The following CREBRF variants were observed in gnomAD, a reference collection of about 807,000 sequenced individuals.
The protein encoded by CREBRF is CREB3 regulatory factor, also known as UPF0474 protein C5orf41.
Under a neutral mutation model 66.1 loss-of-function variants are expected in CREBRF, and 5 were observed. The ratio of observed to expected loss-of-function variants is 0.08; its 90% CI spans 0.04 to 0.16. CREBRF has a LOEUF of 0.16. Among genes scored for constraint, CREBRF ranks in the 10% least tolerant of loss-of-function variants. The pLI is 1.00. For missense variants in CREBRF, 531 were observed against 744.9 expected (o/e 0.71, Z 3.34); for synonymous variants, 229 against 264.4 (o/e 0.87, Z 1.30).
chr5:173,075,006 G>A (rs1367114670), intron 1 of CREBRF, among the ~76,000 whole-genome samples: 1 of 152,168 alleles, frequency 6.6e-6, no homozygotes, highest in Non-Finnish European at 1.5e-5. Flanking sequence ...AGGTGGTATG[G>A]CAAAAGGATC....
chr5:173,108,926 T>C, intron 5 of CREBRF, 108 bp downstream of exon 5: 1 of 922,388 alleles, frequency 1.1e-6, no homozygotes. Context: ...CCTAGCAAAC[T>C]GGAGATGGGG....
chr5:173,106,947 G>A (rs1447538624), intron 4 of CREBRF, among the ~76,000 whole-genome samples: 1 of 151,894 alleles, frequency 6.6e-6, no homozygotes. Flanking sequence ...ATGAGGTTTC[G>A]CCATGTGGGC....
At position 173,091,063 on chromosome 5, in the gene CREBRF, C is replaced by T. The variant is rs1561804420; in HGVS notation, c.884C>T (p.Thr295Ile). ...ACTCCCGCTTTGCCTTTTAAAGAAA[C>T]CCAGGAACTATTACTAAGTCCCCTG... is the stretch of plus-strand genomic sequence containing the variant. ...HATPALPFKETQELLLSPLPQ... is the reference protein window; with the variant it reads ...HATPALPFKEIQELLLSPLPQ... Residue 295 changes from threonine to isoleucine, a missense_variant, in exon 4 of 9, where the codon ACC becomes ATC. By Grantham distance (89) the Thr-to-Ile change is moderately conservative. Transcript: ENST00000296953. 2 of 1,614,046 alleles carry T rather than the reference C, an allele frequency of 1.2e-6. No individual in the cohort carries two copies. Among genetic ancestry groups the T allele is most frequent in the East Asian group, 4.5e-5 (2 of 44,900 alleles).
chr5:173,122,899 T>C (rs572616152), intron 7 of CREBRF, among the ~76,000 whole-genome samples, 181 bp from the exon 8 acceptor site: 3 of 151,346 alleles, frequency 2.0e-5, no homozygotes, highest in Non-Finnish European at 4.4e-5. Context: ...ATTTCCAATT[T>C]CATCCATGTC....
At chr5:173,089,031 T>G (rs1758248261) in intron 3 of CREBRF, among the ~76,000 whole-genome samples, 1 of 151,510 alleles carries the variant, frequency 6.6e-6, no homozygotes, top group Non-Finnish European at 1.5e-5. Flanking sequence ...ACAAAAAAAT[T>G]AGCTGGGCAT....
At chr5:173,063,882 C>T (rs912212715) in intron 1 of CREBRF, among the ~76,000 whole-genome samples, 5 of 150,598 alleles carry the variant, frequency 3.3e-5, no homozygotes, top group African/African-American at 7.3e-5. Flanking sequence ...CCACCATGCC[C>T]GGCTAATTTT....
intron 7 of CREBRF, among the ~76,000 whole-genome samples, chr5:173,121,814 G>C (rs1181041350): frequency 2.0e-5 from 3 of 152,194 alleles, no homozygotes; most frequent in Non-Finnish European, 2.9e-5. Context: ...TTACAGGTTA[G>C]TGGACATCGA....
chr5:173,108,869 C>G, intron 5 of CREBRF, 51 bp downstream of exon 5: 1 of 1,528,332 alleles, frequency 6.5e-7, no homozygotes, highest in Middle Eastern at 1.7e-4. Flanking sequence ...TCAAGTTGAG[C>G]TACTAATCCA....
intron 8 of CREBRF, among the ~76,000 whole-genome samples, chr5:173,132,090 T>C (rs1250094278): frequency 1.3e-5 from 2 of 150,484 alleles, no homozygotes; most frequent in Non-Finnish European, 1.5e-5. Flanking sequence ...TATTTCTTTT[T>C]TTTTTTTTTT....
intron 1 of CREBRF, among the ~76,000 whole-genome samples, chr5:173,078,563 CT>C (rs746897808): frequency 1.0e-3 from 145 of 142,478 alleles, no homozygotes; most frequent in East Asian, 1.4e-3. Flanking sequence ...TTTTCTTTTT[CT>C]TTTTTTTTTT....
Position 173,104,740 on chromosome 5 carries a change from A to AGTGT in CREBRF, c.1223-3871_1223-3868dup, listed in dbSNP as rs1554125525. 1.9e-4 allele frequency among the ~76,000 whole-genome samples: 28 copies of AGTGT among 146,244 alleles called. No individual in the cohort carries two copies. In the South Asian group the frequency reaches 3.3e-3, roughly 17 times the overall value. Reference sequence around the variant, plus strand: ...GAGAGAGAGAGAGAGAGAGAGAGAGAGTGTGTGTGTGTGTGTATTTTTGTG... The same window carrying AGTGT: ...GAGAGAGAGAGAGAGAGAGAGAGAGAGTGTGTGTGTGTGTGTGTGTATTTTTGTG... On this transcript the variant is annotated intron_variant, in intron 4 of 8. Transcript: ENST00000296953.
At chr5:173,058,747 AGT>A (rs1417792633) in intron 1 of CREBRF, among the ~76,000 whole-genome samples, 2 of 145,428 alleles carry the variant, frequency 1.4e-5, no homozygotes, top group Non-Finnish European at 3.0e-5. Context: ...GGCCTCCCAA[AGT>A]GCTGGGATTA....
chr5:173,133,954 A>G lies in CREBRF; in HGVS notation c.*209A>G, dbSNP rs1379252667. 2.8e-6 allele frequency: 1 copy of G among 360,168 alleles called. No homozygotes were observed. The highest frequency in any genetic ancestry group is 5.1e-5 in the South Asian group (1 of 19,544). 22.3% of individuals were successfully genotyped at this position (360,168 alleles called of 1,614,324 possible). A position where few individuals can be genotyped will look rare whatever the true frequency, so the allele number is the denominator to read the frequency against. The stretch of plus-strand genomic sequence containing the variant: ...AGCATAAACCATGATTAAAACTGCT[A>G]CTGGCATCAGAATTGAAAATCATAT... On this transcript the variant is annotated 3_prime_UTR_variant, in exon 9 of 9. Transcript: ENST00000296953.
Position 173,133,634 on chromosome 5 carries a change from A to G in CREBRF, c.1809A>G (p.Leu603=), listed in dbSNP as rs935439572. 1 of 1,596,028 alleles carries G rather than the reference A, an allele frequency of 6.3e-7. No homozygotes were observed. The highest frequency in any genetic ancestry group is 8.6e-7 in the Non-Finnish European group (1 of 1,164,348). ...GCCTTTTATTCTTCTCTTCAGGTCT[A>G]CCAGTTGCTGGGCAAACCTCAGAAT... ...LEILIKDTLG[L]PVAGQTSEFV... The change falls in exon 9 of 9, where the codon CTA becomes CTG. Residue 603 remains leucine, a synonymous_variant. Coordinates refer to ENST00000296953, the MANE Select transcript of CREBRF (RefSeq NM_153607.3).
chr5:173,106,679 A>G (rs1470242932), intron 4 of CREBRF, among the ~76,000 whole-genome samples: 1 of 152,142 alleles, frequency 6.6e-6, no homozygotes, highest in Non-Finnish European at 1.5e-5. Context: ...TTGACAAATC[A>G]TGTAATCACC....
In CREBRF at chr5:173,139,113, A is replaced by T. The variant is rs1473450050; in HGVS notation, c.*5368A>T. 6 of 152,066 alleles carry T rather than the reference A, an allele frequency of 3.9e-5. No homozygotes were observed. The highest frequency in any genetic ancestry group is 8.8e-5 in the Non-Finnish European group (6 of 68,032). The allele number at this position is 152,066 out of a possible 1,614,324, so 9.4% of individuals were successfully genotyped here. A position where few individuals can be genotyped will look rare whatever the true frequency, so the allele number is the denominator to read the frequency against. ...GCATGAGCTGTTTAAAAATTATCCT[A>T]TTAAATGTTGGTTAATAGTTGTGCA... On this transcript the variant is annotated 3_prime_UTR_variant, in exon 9 of 9. Coordinates refer to ENST00000296953, the MANE Select transcript of CREBRF (RefSeq NM_153607.3).
chr5:173,093,553 A>G (rs1158672847), intron 4 of CREBRF, among the ~76,000 whole-genome samples: 2 of 152,164 alleles, frequency 1.3e-5, no homozygotes, highest in East Asian at 3.8e-4. Context: ...ATATGGCTCA[A>G]TTGCCTAGGC....
intron 1 of CREBRF, among the ~76,000 whole-genome samples, chr5:173,064,795 C>G (rs1757385870): frequency 6.6e-6 from 1 of 152,088 alleles, no homozygotes; most frequent in Admixed American, 6.5e-5. Flanking sequence ...AACTCCCCAC[C>G]CCAGGTGATC....
intron 6 of CREBRF, among the ~76,000 whole-genome samples, chr5:173,111,583 G>C (rs1369748574): frequency 6.6e-6 from 1 of 152,176 alleles, no homozygotes; most frequent in Non-Finnish European, 1.5e-5. Context: ...TTGTTGCCTG[G>C]AGTAATAATT....
Sources: allele counts gnomAD v4.1 joint callset (sites outside exome capture counted in the v4.1 genomes callset), GRCh38; gene constraint gnomAD v4.1.1; transcripts MANE v1.5; gene names NCBI Gene and HGNC (gene_info 2026-07-23, HGNC 2026-07-21).